Variants in KCNIP4 observed in about 807,000 individuals in gnomAD.
KCNIP4 encodes potassium voltage-gated channel interacting protein 4.
KCNIP4 carries 12 observed loss-of-function variants against 34.0 expected under a neutral mutation model. That is an observed-to-expected ratio of 0.35 (90% CI 0.23 to 0.57). KCNIP4 has a LOEUF of 0.57. Ranked by LOEUF, KCNIP4 falls within the 20% of genes least tolerant of loss-of-function variation. The pLI is 0.83. For synonymous variants in KCNIP4, 124 were observed against 102.2 expected (o/e 1.21, Z -1.29); for missense variants, 238 against 311.7 (o/e 0.76, Z 1.78).
At chr4:21,270,385 T>G (rs559165444) in intron 1 of KCNIP4, among the ~76,000 whole-genome samples, 237 of 140,536 alleles carry the variant, frequency 1.7e-3, no homozygotes, top group Non-Finnish European at 2.4e-3. Flanking sequence ...ACACTCAGAC[T>G]CGAGGAGTGC....
chr4:20,870,658 T>C (rs547417640), intron 2 of KCNIP4, among the ~76,000 whole-genome samples: 18 of 152,284 alleles, frequency 1.2e-4, no homozygotes, highest in Admixed American at 1.0e-3. Context: ...GAGGACCTTT[T>C]ATACTCTTCC....
intron 3 of KCNIP4, among the ~76,000 whole-genome samples, chr4:20,781,582 A>T (rs530821392): frequency 1.3e-5 from 2 of 152,186 alleles, no homozygotes; most frequent in Non-Finnish European, 2.9e-5. Context: ...GGAAGATGAA[A>T]GAATGAAACC....
At chr4:21,017,929 T>G (rs1433406581) in intron 1 of KCNIP4, among the ~76,000 whole-genome samples, 1 of 152,190 alleles carries the variant, frequency 6.6e-6, no homozygotes, top group African/African-American at 2.4e-5. Context: ...GATTTGCATT[T>G]CTCCAATGAT....
At chr4:21,519,719 TACACACGTGTGTATATGTATGATAC>T (rs1560480916) in intron 1 of KCNIP4, among the ~76,000 whole-genome samples, 11 of 123,858 alleles carry the variant, frequency 8.9e-5, no homozygotes, top group Admixed American at 7.8e-4. Flanking sequence ...TGTGTATATA[TACACACGTGTGTATATGTATGATAC>T]ACACGTGTGT....
At chr4:21,456,128 T>C (rs949223958) in intron 1 of KCNIP4, among the ~76,000 whole-genome samples, 1 of 147,042 alleles carries the variant, frequency 6.8e-6, no homozygotes, top group Non-Finnish European at 1.5e-5. Context: ...ATGTCTTCTC[T>C]GGGCAAAGCA....
At chr4:20,878,794 C>T (rs1724355723) in intron 2 of KCNIP4, among the ~76,000 whole-genome samples, 1 of 152,178 alleles carries the variant, frequency 6.6e-6, no homozygotes, top group Non-Finnish European at 1.5e-5. Flanking sequence ...ATGCTAAAAC[C>T]CACAATGCCC....
intron 4 of KCNIP4, among the ~76,000 whole-genome samples, chr4:20,753,259 A>T (rs1255892031): frequency 6.6e-6 from 1 of 152,178 alleles, no homozygotes; most frequent in East Asian, 1.9e-4. Context: ...TGGAATCAAG[A>T]TATTCCTATA....
chr4:21,234,501 T>G (rs200161826), intron 1 of KCNIP4, among the ~76,000 whole-genome samples: 233 of 102,062 alleles, frequency 2.3e-3, no homozygotes, highest in East Asian at 7.8e-3. Flanking sequence ...ATAATATATA[T>G]TACATATAAC....
intron 1 of KCNIP4, among the ~76,000 whole-genome samples, chr4:21,562,905 G>A (rs979776031): frequency 1.2e-4 from 18 of 152,040 alleles, no homozygotes; most frequent in Middle Eastern, 6.8e-3. Context: ...CAACACTCGC[G>A]TAAATACACA....
chr4:21,303,992 GA>G lies in KCNIP4; in HGVS notation c.62-421284del. 4 of 1,374,136 alleles carry G rather than the reference GA, an allele frequency of 2.9e-6. No individual in the cohort carries two copies. The South Asian group carries it at 5.2e-5, about 18-fold the overall frequency. 85.1% of individuals were successfully genotyped at this position (1,374,136 alleles called of 1,614,324 possible). A position where few individuals can be genotyped will look rare whatever the true frequency, so the allele number is the denominator to read the frequency against. On this transcript the variant is annotated intron_variant, in intron 1 of 8. Coordinates refer to ENST00000382152, the MANE Select transcript of KCNIP4 (RefSeq NM_025221.6). ...TTGTAAAGCCATTAAACTACATTAA[GA>G]AGGCTACTGCTGGAGAAAGGGGAGG...
chr4:21,316,854 A>G (rs2109289399), intron 1 of KCNIP4, among the ~76,000 whole-genome samples: 1 of 152,312 alleles, frequency 6.6e-6, no homozygotes, highest in Non-Finnish European at 1.5e-5. Flanking sequence ...ATTGTCTTGA[A>G]ATAATTATGT....
In KCNIP4 at chr4:20,820,071, G is replaced by A. The variant is rs138726360; in HGVS notation, c.288+30472C>T. Among the ~76,000 whole-genome samples the A allele has an allele frequency of 4.9e-3, 750 of 152,278 alleles. 4 individuals carry two copies. The highest frequency in any genetic ancestry group is 8.0e-3 in the Non-Finnish European group (543 of 68,026). ...AGAGAGGCTGGTAGATTTTGGAACC[G>A]AATGCTAGAAAAAGTCTCTATTCCT... is the stretch of plus-strand genomic sequence containing the variant. On this transcript the variant is annotated intron_variant, in intron 3 of 8. Coordinates refer to ENST00000382152, the MANE Select transcript of KCNIP4 (RefSeq NM_025221.6).
At chr4:21,911,034 T>C (rs1020687040) in intron 1 of KCNIP4, among the ~76,000 whole-genome samples, 2 of 152,174 alleles carry the variant, frequency 1.3e-5, no homozygotes, top group Non-Finnish European at 2.9e-5. Context: ...ACAGTTTCTT[T>C]TTTTTTCTAG....
chr4:20,956,681 AT>A (rs1191227642), intron 1 of KCNIP4, among the ~76,000 whole-genome samples: 3 of 152,218 alleles, frequency 2.0e-5, no homozygotes, highest in Non-Finnish European at 4.4e-5. Flanking sequence ...AAAGAAATGT[AT>A]TCTAAATCTT....
chr4:21,088,612 C>T (rs1052593241), intron 1 of KCNIP4, among the ~76,000 whole-genome samples: 1 of 152,268 alleles, frequency 6.6e-6, no homozygotes, highest in Non-Finnish European at 1.5e-5. Context: ...CCTCTGTGTT[C>T]CAGCCCAACT....
intron 1 of KCNIP4, among the ~76,000 whole-genome samples, chr4:21,699,929 G>T (rs1202518515): frequency 6.6e-6 from 1 of 152,118 alleles, no homozygotes; most frequent in African/African-American, 2.4e-5. Context: ...GAGAAACAAT[G>T]GTGGCATGGC....
intron 1 of KCNIP4, among the ~76,000 whole-genome samples, chr4:21,157,825 T>C (rs1176566044): frequency 6.6e-6 from 1 of 151,904 alleles, no homozygotes; most frequent in Non-Finnish European, 1.5e-5. Context: ...GGTAATGATA[T>C]TAATCAGAGC....
At chr4:21,933,052 G>GA (rs35062040) in intron 1 of KCNIP4, among the ~76,000 whole-genome samples, 20,131 of 99,856 alleles carry the variant, frequency 0.2, 1,770 homozygotes, top group African/African-American at 0.26. Flanking sequence ...AAAGGTAAAC[G>GA]AAAAAAAAAA....
chr4:20,895,482 T>C (rs1483401532), intron 1 of KCNIP4, among the ~76,000 whole-genome samples: 1 of 152,180 alleles, frequency 6.6e-6, no homozygotes, highest in African/African-American at 2.4e-5. Context: ...AATGAAGTAA[T>C]TGTTTCTGCA....
Sources: gnomAD v4.1 joint callset for allele counts (sites outside exome capture counted in the v4.1 genomes callset) on GRCh38, gnomAD v4.1.1 for gene constraint, MANE v1.5 for transcripts, NCBI Gene and HGNC (gene_info 2026-07-23, HGNC 2026-07-21) for gene names.